The following NOC3L variants were observed in gnomAD, a reference collection of about 807,000 sequenced individuals.
NOC3L encodes the protein NOC3 like DNA replication regulator, also known as nucleolar complex protein 3 homolog.
Under a neutral mutation model 102.5 loss-of-function variants are expected in NOC3L, and 85 were observed. The ratio of observed to expected loss-of-function variants is 0.83; its 90% CI spans 0.70 to 0.99. The LOEUF (loss-of-function observed/expected upper bound fraction) is 0.99. NOC3L is among the 50% of genes least tolerant of loss of function. NOC3L has a pLI of 0.00. For synonymous variants in NOC3L, 303 were observed against 309.4 expected, an observed-to-expected ratio of 0.98 and a Z score of 0.22; for missense variants, 878 against 914.9, an observed-to-expected ratio of 0.96 and a Z score of 0.52.
chr10:94,316,973 G>A, the NOC3L span, among the ~76,000 whole-genome samples: 8 of 152,158 alleles, frequency 5.3e-5, no homozygotes, highest in South Asian at 2.1e-4. Flanking sequence ...CCCTTAGACC[G>A]GGCGTGGTGG....
At chr10:94,316,535 C>T in the NOC3L span, 1 of 1,592,102 alleles carries the variant, frequency 6.3e-7, no homozygotes, top group Non-Finnish European at 8.6e-7. Flanking sequence ...TTTGCCTTCA[C>T]TTTTTCTTTA....
At chr10:94,361,636 ACCAGAG>A (rs886114232) in intron 2 of NOC3L, 23 bp downstream of exon 2, 10 of 1,594,988 alleles carry the variant, frequency 6.3e-6, no homozygotes, top group Non-Finnish European at 8.6e-6. Flanking sequence ...ATCAATGGAA[ACCAGAG>A]CACATGATGT....
chr10:94,337,415 T>G (rs1300197933), intron 19 of NOC3L, among the ~76,000 whole-genome samples: 5 of 151,988 alleles, frequency 3.3e-5, no homozygotes, highest in Non-Finnish European at 4.4e-5. Flanking sequence ...TTGGTTGACT[T>G]GTGTTTTATC....
chr10:94,339,001 T>C (rs543567466), intron 17 of NOC3L, among the ~76,000 whole-genome samples: 1 of 152,310 alleles, frequency 6.6e-6, no homozygotes, highest in East Asian at 1.9e-4. Flanking sequence ...GCAATCACAC[T>C]TTTAGAAATC....
chr10:94,329,800 A>C (rs940016577), downstream of NOC3L: 18 of 149,910 alleles, frequency 1.2e-4, no homozygotes, highest in East Asian at 7.8e-4. Flanking sequence ...AAAAAAAAAA[A>C]AAAAAAAAAA....
intron 10 of NOC3L, among the ~76,000 whole-genome samples, chr10:94,347,116 G>T (rs1467467797): frequency 6.6e-6 from 1 of 152,098 alleles, no homozygotes; most frequent in African/African-American, 2.4e-5. Context: ...AACAAAAGGG[G>T]TTTAAAATGC....
Position 94,344,812 on chromosome 10 carries a change from T to C in NOC3L, c.1470+41A>G, listed in dbSNP as rs3758527. 1.9e-3 allele frequency: 2,674 copies of C among 1,443,088 alleles called. 59 individuals carry two copies. The East Asian group carries it at 0.051, about 27-fold the overall frequency. 89.4% of individuals were successfully genotyped at this position (1,443,088 alleles called of 1,614,324 possible). ...CAATAAATTTCTAGTTTAAACAACTTAACGCATTTTAAAAGCATAACAGAA... is the reference window on the plus strand; with the variant it reads ...CAATAAATTTCTAGTTTAAACAACTCAACGCATTTTAAAAGCATAACAGAA... On this transcript the variant is annotated intron_variant, in intron 12 of 20. Coordinates refer to ENST00000371361, the MANE Select transcript of NOC3L (RefSeq NM_022451.11).
At position 94,350,146 on chromosome 10, in the gene NOC3L, C is replaced by G; in HGVS notation, c.1095G>C (p.Leu365Phe). 6.2e-7 allele frequency: 1 copy of G among 1,614,120 alleles called. No individual in the cohort carries two copies. ...HFNFHNNIIV[L>F]IVPLMNDMSK... is the part of the protein sequence containing the mutation. ...ACATGTCATTCATGAGAGGGACAAT[C>G]AATACGATGATGTTGTTGTGAAAGT... The change falls in exon 9 of 21, where the codon TTG becomes TTC. Residue 365 changes from leucine to phenylalanine, a missense_variant. Leu to Phe is a conservative substitution (Grantham distance 22). Transcript: ENST00000371361.
At chr10:94,324,503 T>C in the NOC3L span, 1 of 1,614,154 alleles carries the variant, frequency 6.2e-7, no homozygotes, top group Non-Finnish European at 8.5e-7. Flanking sequence ...GAGTGTGTGT[T>C]TCAAGCCCAA....
intron 11 of NOC3L, 37 bp downstream of exon 11, chr10:94,346,388 A>C: frequency 2.8e-6 from 4 of 1,409,700 alleles, no homozygotes; most frequent in Non-Finnish European, 3.8e-6. Flanking sequence ...AAATAAACAG[A>C]AAATTTAAAT....
chr10:94,351,236 C>A (rs1019728797), intron 8 of NOC3L, among the ~76,000 whole-genome samples: 2 of 151,386 alleles, frequency 1.3e-5, no homozygotes, highest in Admixed American at 1.3e-4. Flanking sequence ...ATACTACCCA[C>A]CCCCACCCCA....
Position 94,341,728 on chromosome 10 carries a change from T to C in NOC3L, c.1589A>G (p.Asn530Ser). 3.8e-6 allele frequency: 6 copies of C among 1,562,266 alleles called. No homozygotes were observed. The highest frequency in any genetic ancestry group is 5.2e-6 in the Non-Finnish European group (6 of 1,152,040). The change falls in exon 14 of 21, where the codon AAT becomes AGT. Residue 530 changes from asparagine (N) to serine (S), a missense_variant. Asn to Ser is a conservative substitution (Grantham distance 46). Coordinates refer to ENST00000371361, the MANE Select transcript of NOC3L (RefSeq NM_022451.11). Reference sequence around the variant, plus strand: ...TAACAGATCATCAAAAAATTCCACATTTATAAGGTGAGCAAACCTGGAATC... The same window carrying C: ...TAACAGATCATCAAAAAATTCCACACTTATAAGGTGAGCAAACCTGGAATC... ...EGLAKFAHLI[N>S]VEFFDDLLVV...
rs545911983 is a variant in NOC3L at position 94,362,793 on chromosome 10, C to A, written c.9+37G>T. The A allele has an allele frequency of 3.7e-6, 6 of 1,613,508 alleles. No individual in the cohort carries two copies. In the South Asian group the frequency reaches 5.5e-5, roughly 15 times the overall value. On this transcript the variant is annotated intron_variant, in intron 1 of 20. Coordinates refer to ENST00000371361, the MANE Select transcript of NOC3L (RefSeq NM_022451.11). The stretch of plus-strand genomic sequence containing the variant: ...CAGTGACTCTATCACCCGAAGGGGC[C>A]CTAGGCCGCGGCGACCGGGCTTTTG...
chr10:94,362,766 G>A, intron 1 of NOC3L, 64 bp downstream of exon 1: 1 of 1,575,854 alleles, frequency 6.3e-7, no homozygotes. Context: ...AGCTAACTCA[G>A]GCAGTGACTC....
intron 14 of NOC3L, among the ~76,000 whole-genome samples, chr10:94,340,870 A>C (rs35348430): frequency 6.6e-6 from 1 of 151,142 alleles, no homozygotes; most frequent in African/African-American, 2.4e-5. Context: ...AGTCCCAGCT[A>C]CTCGGGAGGC....
At chr10:94,324,312 T>C in the NOC3L span, 2 of 1,502,900 alleles carry the variant, frequency 1.3e-6, no homozygotes, top group South Asian at 2.3e-5. Flanking sequence ...TTGGAGATTC[T>C]GTGTCTTTAT....
At chr10:94,347,014 A>G (rs550055024) in intron 10 of NOC3L, among the ~76,000 whole-genome samples, 1 of 152,214 alleles carries the variant, frequency 6.6e-6, no homozygotes, top group Non-Finnish European at 1.5e-5. Flanking sequence ...AAAAATAAAA[A>G]TTATTGCTTT....
At chr10:94,324,639 G>A in the NOC3L span, 1 of 1,274,940 alleles carries the variant, frequency 7.8e-7, no homozygotes, top group Non-Finnish European at 1.1e-6. Flanking sequence ...GCCAGATCTG[G>A]AAGCTGGTGA....
At chr10:94,324,115 AT>A in the NOC3L span, among the ~76,000 whole-genome samples, 1 of 152,226 alleles carries the variant, frequency 6.6e-6, no homozygotes, top group Admixed American at 6.5e-5. Flanking sequence ...CTCGTCTGAA[AT>A]TCAGGATAAT....
Sources: gnomAD v4.1 joint callset for allele counts (sites outside exome capture counted in the v4.1 genomes callset) on GRCh38, gnomAD v4.1.1 for gene constraint, MANE v1.5 for transcripts, NCBI Gene and HGNC (gene_info 2026-07-23, HGNC 2026-07-21) for gene names.